The following DCBLD2 variants were observed in gnomAD, a reference collection of about 807,000 sequenced individuals.
DCBLD2 encodes the protein discoidin, CUB and LCCL domain-containing protein 2.
In DCBLD2, 54 loss-of-function variants were observed where a neutral mutation model predicts 86.8. The observed-to-expected ratio is 0.62, with a 90% CI of 0.50 to 0.78. DCBLD2 has a LOEUF of 0.78. DCBLD2 is among the 30% of genes least tolerant of loss of function. The pLI, the probability that DCBLD2 is intolerant of heterozygous loss-of-function variation, is 0.00. For missense variants in DCBLD2, 908 were observed against 954.2 expected, an observed-to-expected ratio of 0.95 and a Z score of 0.64; for synonymous variants, 354 against 341.3, an observed-to-expected ratio of 1.04 and a Z score of -0.41.
In DCBLD2 at chr3:98,799,809, C is replaced by T. The variant is rs1027404600; in HGVS notation, c.1891G>A (p.Gly631Ser). ...YAQPLVGGIV[G>S]TLHQRSTFKP... is the part of the protein sequence containing the mutation. ...AAGGTAGATCTTTGATGAAGTGTAC[C>T]AACAATTCCTCCTACCAGTGGCTGA... Residue 631 changes from glycine to serine, a missense_variant, in exon 16 of 16, where the codon GGT becomes AGT. By Grantham distance (56) the Gly-to-Ser change is moderately conservative. This residue lies in a region of DCBLD2 where 606 missense variants were observed against 678.5 expected (regional missense o/e 0.89). Transcript: ENST00000326840. 3.7e-6 allele frequency: 6 copies of T among 1,612,766 alleles called. No individual in the cohort carries two copies. The African/African-American group carries it at 8.0e-5, about 22-fold the overall frequency.
chr3:98,834,142 CTTTTTTTTTT>C (rs10588325), intron 3 of DCBLD2, among the ~76,000 whole-genome samples: 1 of 124,918 alleles, frequency 8.0e-6, no homozygotes, highest in Non-Finnish European at 1.7e-5. Flanking sequence ...GAGTTGTTTT[CTTTTTTTTTT>C]TTTTTTTTGT....
chr3:98,872,944 A>AAAAT lies in DCBLD2; in HGVS notation c.433+8592_433+8595dup, dbSNP rs528592022. ...TTGCAATTTGGCTCATAAAGACCCA[A>AAAAT]AAATATGCAATATTCAAGAAAGACA... On this transcript the variant is annotated intron_variant, in intron 2 of 15. Coordinates refer to ENST00000326840, the MANE Select transcript of DCBLD2 (RefSeq NM_080927.4). Among the ~76,000 whole-genome samples the AAAAT allele has an allele frequency of 2.9e-4, 44 of 152,280 alleles. No individual in the cohort carries two copies. The East Asian group carries it at 7.9e-3, about 27-fold the overall frequency.
chr3:98,837,454 G>A (rs2107467866), intron 3 of DCBLD2, among the ~76,000 whole-genome samples: 1 of 33,010 alleles, frequency 3.0e-5, no homozygotes, highest in African/African-American at 1.1e-4. Context: ...CGGGGCGGCT[G>A]GCCGGGCGGG....
chr3:98,828,865 T>C (rs549793352), intron 3 of DCBLD2, among the ~76,000 whole-genome samples: 5 of 152,292 alleles, frequency 3.3e-5, no homozygotes, highest in African/African-American at 1.2e-4. Context: ...TGCTACAACA[T>C]TGATAAACTT....
At chr3:98,895,191 G>A (rs1943730967) in intron 1 of DCBLD2, 1 of 152,180 alleles carries the variant, frequency 6.6e-6, no homozygotes. Context: ...TTAAGTCAGA[G>A]TGAAAGGGAG....
Position 98,901,140 on chromosome 3 carries a change from C to T in DCBLD2, c.187G>A (p.Asp63Asn). The change falls in exon 1 of 16, where the codon GAC becomes AAC. Residue 63 changes from aspartate to asparagine, a missense_variant. Asp to Asn is a conservative substitution (Grantham distance 23). Around this residue, in one of 3 missense-constraint regions of DCBLD2, gnomAD observed 294 missense variants for 256.0 expected, o/e 1.15. Coordinates refer to ENST00000326840, the MANE Select transcript of DCBLD2 (RefSeq NM_080927.4). The part of the protein sequence containing the change: ...LLLVLLLLLE[D>N]AGAQQGDGCG... ...CACTCACCTTGCTGGGCTCCAGCGT[C>T]CTCGAGCAGCAGGAGCAGGACAAGT... The T allele has an allele frequency of 6.5e-7, 1 of 1,539,542 alleles. No individual in the cohort carries two copies. Among genetic ancestry groups the T allele is most frequent in the Non-Finnish European group, 8.7e-7 (1 of 1,146,830 alleles).
At chr3:98,863,229 G>C (rs1418072000) in intron 2 of DCBLD2, among the ~76,000 whole-genome samples, 2 of 152,164 alleles carry the variant, frequency 1.3e-5, no homozygotes, top group African/African-American at 4.8e-5. Context: ...TCAACAATTG[G>C]AAGAACATTC....
chr3:98,876,020 C>G (rs1246967147), intron 2 of DCBLD2, among the ~76,000 whole-genome samples: 1 of 151,750 alleles, frequency 6.6e-6, no homozygotes, highest in Admixed American at 6.6e-5. Flanking sequence ...GACTTAGAAT[C>G]TAGATGCAAT....
Position 98,808,132 on chromosome 3 carries a change from A to C in DCBLD2, c.1619T>G (p.Val540Gly). ...TAATATGAGAATGAGAGTAGTGAGG[A>C]CCATGACCAGCACAGGGACAAGAAC... Reference protein sequence around the residue: ...AAVLVPVLVMVLTTLILILVC... With the variant: ...AAVLVPVLVMGLTTLILILVC... Residue 540 changes from valine (V) to glycine (G), a missense_variant, in exon 13 of 16, where the codon GTC becomes GGC. Transcript: ENST00000326840. 1 of 1,607,612 alleles carries C rather than the reference A, an allele frequency of 6.2e-7. No individual in the cohort carries two copies. Among genetic ancestry groups the C allele is most frequent in the Non-Finnish European group, 8.5e-7 (1 of 1,177,106 alleles).
chr3:98,856,519 C>CA (rs1364459929), intron 2 of DCBLD2, among the ~76,000 whole-genome samples: 2 of 151,708 alleles, frequency 1.3e-5, no homozygotes, highest in Non-Finnish European at 2.9e-5. Context: ...AAAAAGAAAA[C>CA]AAAAAATGGG....
intron 2 of DCBLD2, among the ~76,000 whole-genome samples, chr3:98,863,836 C>A (rs1249583156): frequency 6.6e-6 from 1 of 152,132 alleles, no homozygotes; most frequent in Non-Finnish European, 1.5e-5. Flanking sequence ...GCAATGGCAA[C>A]AAAAGCCAAA....
At chr3:98,833,243 G>A (rs1420200552) in intron 3 of DCBLD2, among the ~76,000 whole-genome samples, 1 of 152,090 alleles carries the variant, frequency 6.6e-6, no homozygotes, top group Non-Finnish European at 1.5e-5. Flanking sequence ...TTGCAATTGG[G>A]TTGTGAAATT....
intron 1 of DCBLD2, among the ~76,000 whole-genome samples, chr3:98,891,390 T>C (rs1943659504): frequency 6.6e-6 from 1 of 152,138 alleles, no homozygotes; most frequent in African/African-American, 2.4e-5. Flanking sequence ...ATCATTATAT[T>C]TTATACTTTT....
intron 1 of DCBLD2, among the ~76,000 whole-genome samples, chr3:98,899,345 G>C (rs898435415): frequency 6.6e-6 from 1 of 150,638 alleles, no homozygotes; most frequent in African/African-American, 2.5e-5. Context: ...TCCGCCTCCC[G>C]GGTTCAAGCG....
intron 3 of DCBLD2, among the ~76,000 whole-genome samples, chr3:98,834,777 T>C (rs1942398200): frequency 6.6e-6 from 1 of 152,234 alleles, no homozygotes; most frequent in Non-Finnish European, 1.5e-5. Context: ...AGATATCTTT[T>C]CCATATATTG....
intron 2 of DCBLD2, among the ~76,000 whole-genome samples, chr3:98,851,172 A>G (rs980208372): frequency 1.3e-5 from 2 of 152,256 alleles, no homozygotes; most frequent in Non-Finnish European, 2.9e-5. Context: ...TTTGCAGATG[A>G]CATGACTGTA....
In DCBLD2 at chr3:98,859,221, G is replaced by A. The variant is rs534145995; in HGVS notation, c.434-9623C>T. On this transcript the variant is annotated intron_variant, in intron 2 of 15. Transcript: ENST00000326840. ...TGAGGGTTGAGTAGGTAAACAAAGC[G>A]GCCAGGAAGCTCGAACTGGGTGGAG... is the stretch of plus-strand genomic sequence containing the variant. Among the ~76,000 whole-genome samples the A allele has an allele frequency of 1.9e-3, 286 of 152,290 alleles. 2 individuals carry two copies. The highest frequency in any genetic ancestry group is 0.018 in the South Asian group (86 of 4,826).
chr3:98,834,931 C>T (rs1177296861), intron 3 of DCBLD2, among the ~76,000 whole-genome samples: 1 of 149,524 alleles, frequency 6.7e-6, no homozygotes, highest in African/African-American at 2.4e-5. Context: ...TTTTCCATCC[C>T]AATAGGCCAC....
intron 2 of DCBLD2, among the ~76,000 whole-genome samples, chr3:98,872,109 T>G (rs1357624842): frequency 6.6e-6 from 1 of 152,202 alleles, no homozygotes; most frequent in Non-Finnish European, 1.5e-5. Context: ...GATCATTTTT[T>G]CCAGTGTTCT....
Sources: gnomAD v4.1 joint callset for allele counts (sites outside exome capture counted in the v4.1 genomes callset) on GRCh38, gnomAD v4.1.1 for gene constraint, gnomAD v4.1.1 regional missense constraint, MANE v1.5 for transcripts, NCBI Gene and HGNC (gene_info 2026-07-23, HGNC 2026-07-21) for gene names.